The following PTGFRN variants were observed in gnomAD, a reference collection of about 807,000 sequenced individuals.
The protein encoded by PTGFRN is prostaglandin F2 receptor inhibitor, also known as prostaglandin F2 receptor negative regulator.
In PTGFRN, 35 loss-of-function variants were observed where a neutral mutation model predicts 83.2. The ratio of observed to expected loss-of-function variants is 0.42; its 90% CI spans 0.32 to 0.56. The LOEUF (loss-of-function observed/expected upper bound fraction) is 0.56. Among genes scored for constraint, PTGFRN ranks in the 20% least tolerant of loss-of-function variants. The pLI, the probability that PTGFRN is intolerant of heterozygous loss-of-function variation, is 0.11. For synonymous variants in PTGFRN, 519 were observed against 498.6 expected, an observed-to-expected ratio of 1.04 and a Z score of -0.55; for missense variants, 1,051 against 1,179.5, an observed-to-expected ratio of 0.89 and a Z score of 1.60.
chr1:116,974,236 G>A lies in PTGFRN; in HGVS notation c.2080G>A (p.Val694Met), dbSNP rs199627549. ...TCCAGGTCCTATATTTAATGCTTCT[G>A]TGCATTCAGACACACCATCAGTAAT... ...QTSGPIFNAS[V>M]HSDTPSVIRG... is the part of the protein sequence containing the mutation. Residue 694 changes from valine (V) to methionine (M), a missense_variant, in exon 7 of 9, where the codon GTG becomes ATG. Physicochemically the swap from Val to Met is conservative, Grantham distance 21. Transcript: ENST00000393203. The A allele has an allele frequency of 5.8e-5, 93 of 1,609,914 alleles. No homozygotes were observed. The highest frequency in any genetic ancestry group is 1.4e-5 in the Non-Finnish European group (16 of 1,176,562).
intron 7 of PTGFRN, among the ~76,000 whole-genome samples, chr1:116,977,791 C>T (rs1226759543): frequency 6.6e-6 from 1 of 152,066 alleles, no homozygotes; most frequent in Non-Finnish European, 1.5e-5. Context: ...AATTGACACC[C>T]TAACATCACA....
In PTGFRN at chr1:116,988,402, G is replaced by C. The variant is rs933064015; in HGVS notation, c.*1435G>C. ...AAAAGCTCTGTCCTTGGAGCCTCCC[G>C]CTCCCTGAAGTGTCTCGCCCCCTGC... is the stretch of plus-strand genomic sequence containing the variant. On this transcript the variant is annotated 3_prime_UTR_variant, in exon 9 of 9. Transcript: ENST00000393203. 1 of 152,606 alleles carries C rather than the reference G, an allele frequency of 6.6e-6. No homozygotes were observed. The highest frequency in any genetic ancestry group is 1.5e-5 in the Non-Finnish European group (1 of 68,074). The allele number at this position is 152,606 out of a possible 1,614,324, so 9.5% of individuals were successfully genotyped here. A position where few individuals can be genotyped will look rare whatever the true frequency, so the allele number is the denominator to read the frequency against.
Position 116,942,091 on chromosome 1 carries a change from C to A in PTGFRN, c.418+8C>A. ...ACACAGTGCAGGTTAAAGGTACAGTCCTCACATGGGCTTGTTATGCCAGGG... is the reference window on the plus strand; with the variant it reads ...ACACAGTGCAGGTTAAAGGTACAGTACTCACATGGGCTTGTTATGCCAGGG... On this transcript the variant is annotated splice_region_variant and intron_variant, in intron 2 of 8. Coordinates refer to ENST00000393203, the MANE Select transcript of PTGFRN (RefSeq NM_020440.4). 2 of 1,601,598 alleles carry A rather than the reference C, an allele frequency of 1.2e-6. No individual in the cohort carries two copies. Among genetic ancestry groups the A allele is most frequent in the Non-Finnish European group, 1.7e-6 (2 of 1,171,352 alleles).
At position 116,965,522 on chromosome 1, in the gene PTGFRN, C is replaced by T. The variant is rs553886483; in HGVS notation, c.1640-1389C>T. ...TTGATCCCAAACTCCTGGCCTCATG[C>T]AATCCTCTCGCCTCAGCCTCTCTAA... On this transcript the variant is annotated intron_variant, in intron 5 of 8. Coordinates refer to ENST00000393203, the MANE Select transcript of PTGFRN (RefSeq NM_020440.4). 9.2e-5 allele frequency among the ~76,000 whole-genome samples: 14 copies of T among 152,220 alleles called. No homozygotes were observed. In the South Asian group the frequency reaches 2.5e-3, roughly 27 times the overall value.
intron 3 of PTGFRN, among the ~76,000 whole-genome samples, chr1:116,947,188 T>C (rs896568603): frequency 3.3e-5 from 5 of 152,212 alleles, no homozygotes; most frequent in Non-Finnish European, 7.3e-5. Context: ...GCTGGCTGCT[T>C]ATATATTCTT....
At chr1:116,959,194 T>C (rs958535246) in intron 4 of PTGFRN, among the ~76,000 whole-genome samples, 8 of 152,220 alleles carry the variant, frequency 5.3e-5, no homozygotes, top group Admixed American at 6.5e-5. Context: ...ATGTGTGGTG[T>C]GGTGTATTAG....
At chr1:116,913,822 G>C (rs2254370) in intron 1 of PTGFRN, among the ~76,000 whole-genome samples, 8,351 of 152,262 alleles carry the variant, frequency 0.055, 720 homozygotes, top group African/African-American at 0.19. Flanking sequence ...AATGTGTTGA[G>C]GAGGATAAAC....
At chr1:116,912,832 T>A (rs1649304841) in intron 1 of PTGFRN, among the ~76,000 whole-genome samples, 1 of 152,200 alleles carries the variant, frequency 6.6e-6, no homozygotes, top group South Asian at 2.1e-4. Context: ...ATATTAAACC[T>A]TCTGGCCCCT....
At chr1:116,949,667 T>G (rs1308497635) in intron 4 of PTGFRN, 95 bp downstream of exon 4, 1 of 1,474,144 alleles carries the variant, frequency 6.8e-7, no homozygotes, top group Non-Finnish European at 9.1e-7. Flanking sequence ...GCGCTTTGCA[T>G]GACTTCGACA....
At chr1:116,983,498 CAA>C (rs71096893) in intron 7 of PTGFRN, among the ~76,000 whole-genome samples, 20,140 of 103,974 alleles carry the variant, frequency 0.19, 728 homozygotes, top group Middle Eastern at 0.26. Flanking sequence ...ACACTGGGAA[CAA>C]AAAAAAAAAA....
intron 1 of PTGFRN, among the ~76,000 whole-genome samples, chr1:116,922,267 A>G (rs773450983): frequency 6.6e-6 from 1 of 152,210 alleles, no homozygotes; most frequent in African/African-American, 2.4e-5. Context: ...AACAACTCAC[A>G]AAACAATTAC....
In PTGFRN at chr1:116,918,454, A is replaced by G. The variant is rs529270584; in HGVS notation, c.49+8202A>G. On this transcript the variant is annotated intron_variant, in intron 1 of 8. Transcript: ENST00000393203. This position sits in a 1 kb window ranked among gnomAD's most constrained non-coding sequence, Gnocchi z 4.1. Reference sequence around the variant, plus strand: ...CCCCAACTGTGTTCTGTGGACCACCAGCATTGGCAGCACCTGGGGGAATCT... The same window carrying G: ...CCCCAACTGTGTTCTGTGGACCACCGGCATTGGCAGCACCTGGGGGAATCT... Among the ~76,000 whole-genome samples, 1 of 152,380 alleles carries G rather than the reference A, an allele frequency of 6.6e-6. No homozygotes were observed. The highest frequency in any genetic ancestry group is 1.9e-4 in the East Asian group (1 of 5,186).
rs544504998 is a variant in PTGFRN, at chr1:116,913,283, A to G, written c.49+3031A>G. On this transcript the variant is annotated intron_variant, in intron 1 of 8. Coordinates refer to ENST00000393203, the MANE Select transcript of PTGFRN (RefSeq NM_020440.4). ...TTTGAGTTGAGCCTTGAGGATAATT[A>G]GAATTTTGAAAGAAAGGATAGAAGA... 1.8e-4 allele frequency among the ~76,000 whole-genome samples: 27 copies of G among 152,348 alleles called. No homozygotes were observed. The South Asian group carries it at 4.8e-3, about 27-fold the overall frequency.
intron 3 of PTGFRN, among the ~76,000 whole-genome samples, chr1:116,948,645 T>C (rs1287258545): frequency 6.6e-6 from 1 of 152,206 alleles, no homozygotes; most frequent in Non-Finnish European, 1.5e-5. Flanking sequence ...TAACAATATG[T>C]ACCAGTCAGA....
intron 7 of PTGFRN, among the ~76,000 whole-genome samples, chr1:116,984,121 A>G (rs986754442): frequency 6.6e-6 from 1 of 152,212 alleles, no homozygotes; most frequent in African/African-American, 2.4e-5. Flanking sequence ...GCACTTCTGC[A>G]AGGAAAGAAA....
intron 1 of PTGFRN, among the ~76,000 whole-genome samples, chr1:116,921,511 C>T (rs1421805751): frequency 1.3e-5 from 2 of 152,172 alleles, no homozygotes; most frequent in South Asian, 2.1e-4. Context: ...CGGCATGACA[C>T]AGCACAGGGT....
At position 116,923,802 on chromosome 1, in the gene PTGFRN, C is replaced by T. The variant is rs2101053529; in HGVS notation, c.49+13550C>T. Among the ~76,000 whole-genome samples, 1 of 152,300 alleles carries T rather than the reference C, an allele frequency of 6.6e-6. No individual in the cohort carries two copies. The highest frequency in any genetic ancestry group is 1.5e-5 in the Non-Finnish European group (1 of 68,034). ...GTAGTACTGCCGCCTGTAGCGTGGGCCTGGTCTCACTGGGTAGTTAATAAC... is the reference window on the plus strand; with the variant it reads ...GTAGTACTGCCGCCTGTAGCGTGGGTCTGGTCTCACTGGGTAGTTAATAAC... On this transcript the variant is annotated intron_variant, in intron 1 of 8. Coordinates refer to ENST00000393203, the MANE Select transcript of PTGFRN (RefSeq NM_020440.4). This position sits in a 1 kb window ranked among gnomAD's most constrained non-coding sequence, Gnocchi z 4.0.
rs1199291358 is a variant in PTGFRN, at chr1:116,984,883, T to G, written c.2371T>G (p.Tyr791Asp). The G allele has an allele frequency of 6.2e-7, 1 of 1,614,080 alleles. No individual in the cohort carries two copies. The highest frequency in any genetic ancestry group is 8.5e-7 in the Non-Finnish European group (1 of 1,180,044). The part of the protein sequence containing the change: ...HGSEDQDFGN[Y>D]YCSVTPWVKS... ...CTCCGAGGACCAGGACTTTGGCAACTACTACTGTTCCGTGACTCCATGGGT... is the reference window on the plus strand; with the variant it reads ...CTCCGAGGACCAGGACTTTGGCAACGACTACTGTTCCGTGACTCCATGGGT... The change falls in exon 8 of 9, where the codon TAC becomes GAC. Residue 791 changes from tyrosine to aspartate, a missense_variant. Physicochemically the swap from Tyr to Asp is radical, Grantham distance 160. Transcript: ENST00000393203.
chr1:116,951,949 A>T (rs1650365229), intron 4 of PTGFRN, among the ~76,000 whole-genome samples: 1 of 152,176 alleles, frequency 6.6e-6, no homozygotes, highest in African/African-American at 2.4e-5. Flanking sequence ...AGATAGACAG[A>T]CAACCTGACA....
Sources: gnomAD v4.1 joint callset for allele counts (sites outside exome capture counted in the v4.1 genomes callset) on GRCh38, gnomAD v4.1.1 for gene constraint, Gnocchi (gnomAD v3.1) non-coding constraint, MANE v1.5 for transcripts, NCBI Gene and HGNC (gene_info 2026-07-23, HGNC 2026-07-21) for gene names.